ABRACL: variants seen among roughly 807,000 people sequenced by gnomAD.
ABRACL encodes ABRA C-terminal like.
A neutral mutation model predicts 7.0 loss-of-function variants in ABRACL; 4 were observed. The observed-to-expected ratio is 0.57, with a 90% confidence interval of 0.28 to 1.30. The LOEUF (loss-of-function observed/expected upper bound fraction) is 1.30, where lower values mean the gene tolerates loss of function less well. Ranked by LOEUF, ABRACL falls within the 50% of genes most tolerant of loss-of-function variation. The probability of loss-of-function intolerance (pLI) is 0.10; values close to 1 mark genes in which losing one functional copy is unlikely to be tolerated. For synonymous variants in ABRACL, 30 were observed against 36.0 expected, an observed-to-expected ratio of 0.83 and a Z score of 0.60; for missense variants, 104 against 97.3, an observed-to-expected ratio of 1.07 and a Z score of -0.29.
At chr6:139,034,544 A>G (rs1786126840) in intron 2 of ABRACL, 5 of 923,182 alleles carry the variant, frequency 5.4e-6, no homozygotes, top group South Asian at 2.4e-5. Flanking sequence ...TACTTGTCAT[A>G]CTATTAAAAT....
At chr6:139,034,456 T>G (rs1482506098) in intron 2 of ABRACL, 2 of 1,450,858 alleles carry the variant, frequency 1.4e-6, no homozygotes, top group Non-Finnish European at 1.8e-6. Flanking sequence ...TTTCATTATT[T>G]TTCGATAGAA....
Position 139,041,491 on chromosome 6 carries a change from ATATG to A in ABRACL, c.62-1226_62-1223del, listed in dbSNP as rs1184890522. Among the ~76,000 whole-genome samples, 223 of 63,340 alleles carry A rather than the reference ATATG, an allele frequency of 3.5e-3. 3 individuals carry two copies. The highest frequency in any genetic ancestry group is 4.9e-3 in the Non-Finnish European group (153 of 31,362). The allele number at this position is 63,340 out of a possible 152,430, so 41.6% of individuals were successfully genotyped here. A position where few individuals can be genotyped will look rare whatever the true frequency, so the allele number is the denominator to read the frequency against. Reference sequence around the variant, plus strand: ...TATATTTCTATATTTCTATATATATATATGTGTGTGTGTGTGTGTGTGTATATAT... The same window carrying A: ...TATATTTCTATATTTCTATATATATATGTGTGTGTGTGTGTGTGTATATAT... On this transcript the variant is annotated intron_variant, in intron 2 of 2. Transcript: ENST00000367660.
rs1341356953 is a variant in ABRACL at position 139,043,012 on chromosome 6, G to A, written c.*109G>A. 3 of 913,474 alleles carry A rather than the reference G, an allele frequency of 3.3e-6. No homozygotes were observed. Among genetic ancestry groups the A allele is most frequent in the Non-Finnish European group, 1.5e-6 (1 of 645,736 alleles). 56.6% of individuals were successfully genotyped at this position (913,474 alleles called of 1,614,324 possible). On this transcript the variant is annotated 3_prime_UTR_variant, in exon 3 of 3. Coordinates refer to ENST00000367660, the MANE Select transcript of ABRACL (RefSeq NM_021243.3). ...ACTTAATGTATTTTTATAGAACTTT[G>A]TAAACGAAAGGAGATTCATGTTTTA... is the stretch of plus-strand genomic sequence containing the variant.
chr6:139,041,449 C>CTATA (rs1283788812), intron 2 of ABRACL, among the ~76,000 whole-genome samples: 4,048 of 81,438 alleles, frequency 0.05, 70 homozygotes, highest in Non-Finnish European at 0.058. Flanking sequence ...CTCTCTCTCT[C>CTATA]TCTATATATA....
At chr6:139,037,579 T>G (rs1405265417) in intron 2 of ABRACL, among the ~76,000 whole-genome samples, 3 of 151,870 alleles carry the variant, frequency 2.0e-5, no homozygotes, top group Non-Finnish European at 4.4e-5. Context: ...TTTAGTTTCC[T>G]AATCAAAGAA....
chr6:139,041,824 A>G (rs577391826), intron 2 of ABRACL, among the ~76,000 whole-genome samples: 2 of 152,062 alleles, frequency 1.3e-5, no homozygotes, highest in East Asian at 1.9e-4. Context: ...CTACCTCCTT[A>G]TGTCTGCCCC....
intron 2 of ABRACL, among the ~76,000 whole-genome samples, chr6:139,039,623 G>A (rs983797893): frequency 2.0e-5 from 3 of 152,160 alleles, no homozygotes; most frequent in African/African-American, 7.2e-5. Context: ...GGCTGAACAC[G>A]GGCACTGTTA....
intron 2 of ABRACL, among the ~76,000 whole-genome samples, chr6:139,035,824 A>AG (rs1286531180): frequency 6.7e-6 from 1 of 149,438 alleles, no homozygotes; most frequent in East Asian, 2.1e-4. Context: ...TTTACCAGCC[A>AG]GGCGCAGTGG....
intron 1 of ABRACL, among the ~76,000 whole-genome samples, chr6:139,033,626 G>C (rs1321735856): frequency 6.6e-6 from 1 of 152,062 alleles, no homozygotes; most frequent in Non-Finnish European, 1.5e-5. Context: ...TACCCCACCA[G>C]TCTGGCTGGA....
chr6:139,031,244 T>G (rs752308324), intron 1 of ABRACL, among the ~76,000 whole-genome samples: 1 of 152,238 alleles, frequency 6.6e-6, no homozygotes, highest in African/African-American at 2.4e-5. Context: ...TGCATTAATA[T>G]TTCTAGGAAC....
chr6:139,034,042 T>A, intron 1 of ABRACL, 113 bp from the exon 2 acceptor site: 1 of 1,354,818 alleles, frequency 7.4e-7, no homozygotes, highest in South Asian at 1.3e-5. Flanking sequence ...AAAAGGAACA[T>A]GGTAAATTAA....
At chr6:139,034,431 G>A in intron 2 of ABRACL, 1 of 1,498,376 alleles carries the variant, frequency 6.7e-7, no homozygotes, top group East Asian at 2.5e-5. Context: ...TCTGATGCAG[G>A]GAATAGTTGA....
chr6:139,036,088 G>A (rs1431235187), intron 2 of ABRACL, among the ~76,000 whole-genome samples: 1 of 151,780 alleles, frequency 6.6e-6, no homozygotes, highest in East Asian at 2.0e-4. Flanking sequence ...TGGGCAATGG[G>A]GCAAGACTTT....
intron 2 of ABRACL, chr6:139,034,576 G>T: frequency 1.5e-6 from 1 of 645,454 alleles, no homozygotes; most frequent in African/African-American, 1.9e-5. Context: ...GCCTTGTTCT[G>T]CCATCATTTT....
At chr6:139,037,553 A>T (rs1293096489) in intron 2 of ABRACL, among the ~76,000 whole-genome samples, 3 of 151,742 alleles carry the variant, frequency 2.0e-5, no homozygotes, top group Admixed American at 6.6e-5. Context: ...GAGCCACTTC[A>T]TCTGGCCATA....
intron 2 of ABRACL, 122 bp downstream of exon 2, chr6:139,034,343 T>C: frequency 1.3e-6 from 2 of 1,585,762 alleles, no homozygotes; most frequent in Non-Finnish European, 1.7e-6. Flanking sequence ...CTGGGAGCTC[T>C]GCCCACAGCC....
At chr6:139,029,316 G>A (rs896226826) in intron 1 of ABRACL, among the ~76,000 whole-genome samples, 2 of 152,110 alleles carry the variant, frequency 1.3e-5, no homozygotes, top group African/African-American at 4.8e-5. Context: ...GCCGGAGGTG[G>A]GTGCGGCTCT....
At chr6:139,041,280 A>G (rs1399092358) in intron 2 of ABRACL, among the ~76,000 whole-genome samples, 1 of 144,806 alleles carries the variant, frequency 6.9e-6, no homozygotes, top group Non-Finnish European at 1.5e-5. Context: ...TTTTTTTTTT[A>G]TGAGACAGGG....
At chr6:139,032,944 T>A (rs1014897602) in intron 1 of ABRACL, among the ~76,000 whole-genome samples, 1 of 152,226 alleles carries the variant, frequency 6.6e-6, no homozygotes, top group Non-Finnish European at 1.5e-5. Context: ...GAGCTTACCC[T>A]GTAGAAGTGA....
Sources: allele counts gnomAD v4.1 joint callset (sites outside exome capture counted in the v4.1 genomes callset), GRCh38; gene constraint gnomAD v4.1.1; transcripts MANE v1.5; gene names NCBI Gene and HGNC (gene_info 2026-07-23, HGNC 2026-07-21).